The following EIF4G3 variants were observed in gnomAD, a reference collection of about 807,000 sequenced individuals.
EIF4G3 encodes the protein eIF-4-gamma 3.
Under a neutral mutation model 186.4 loss-of-function variants are expected in EIF4G3, and 34 were observed. The observed-to-expected ratio is 0.18, with a 90% CI of 0.14 to 0.24. The LOEUF is 0.24. EIF4G3 is among the 10% of genes least tolerant of loss of function. EIF4G3 has a pLI of 1.00. For missense variants in EIF4G3, 1,536 were observed against 1,948.5 expected (o/e 0.79, Z 3.99); for synonymous variants, 673 against 679.5 (o/e 0.99, Z 0.15).
intron 14 of EIF4G3, among the ~76,000 whole-genome samples, chr1:20,910,036 GC>G (rs919840249): frequency 9.9e-5 from 15 of 152,010 alleles, no homozygotes; most frequent in African/African-American, 3.6e-4. Context: ...TCCTGACTTG[GC>G]CTCCCAAAGT....
chr1:21,083,138 A>C (rs1355601489), intron 3 of EIF4G3, among the ~76,000 whole-genome samples: 1 of 150,692 alleles, frequency 6.6e-6, no homozygotes, highest in Non-Finnish European at 1.5e-5. Context: ...CTATTTAGGA[A>C]GCTGATGTAG....
chr1:21,048,361 G>A (rs989107266), intron 4 of EIF4G3, among the ~76,000 whole-genome samples: 8 of 152,098 alleles, frequency 5.3e-5, no homozygotes, highest in African/African-American at 1.9e-4. Context: ...AAATGGATCT[G>A]AGCTCTATAA....
chr1:20,983,920 T>A (rs561169852), intron 7 of EIF4G3, among the ~76,000 whole-genome samples: 37 of 152,296 alleles, frequency 2.4e-4, no homozygotes, highest in South Asian at 2.1e-3. Context: ...TTTCCAAAAA[T>A]TTTAACAGTC....
intron 14 of EIF4G3, among the ~76,000 whole-genome samples, chr1:20,937,699 C>T (rs1318950768): frequency 6.6e-6 from 1 of 152,132 alleles, no homozygotes; most frequent in East Asian, 1.9e-4. Context: ...ACATACTATA[C>T]ATCATATACA....
In EIF4G3 at chr1:21,176,734, T is replaced by C. The variant is rs1402410888; in HGVS notation, c.-468A>G. ...GGAGAGACCGGACCTTTCACGGCAA[T>C]ATCCTCATGGGCCGGCGGCGGGGGA... On this transcript the variant is annotated 5_prime_UTR_variant, in exon 1 of 37. It adds an upstream start codon to the 5' untranslated region. Coordinates refer to ENST00000602326, the MANE Select transcript of EIF4G3 (RefSeq NM_001391906.1). 2.9e-6 allele frequency: 2 copies of C among 693,426 alleles called. No homozygotes were observed. The highest frequency in any genetic ancestry group is 2.6e-6 in the Non-Finnish European group (1 of 381,106). The allele number at this position is 693,426 out of a possible 1,614,324, so 43.0% of individuals were successfully genotyped here.
rs1474610524 is a variant in EIF4G3, at chr1:20,872,851, C to T, written c.2622+6472G>A. Among the ~76,000 whole-genome samples the T allele has an allele frequency of 2.0e-5, 3 of 152,070 alleles. No individual in the cohort carries two copies. The East Asian group carries it at 5.8e-4, about 29-fold the overall frequency. ...CTCCTGCCTCAAGCAATTCTCCTGC[C>T]TCAGCCTCCCAAGTAGCTGGGATTA... On this transcript the variant is annotated intron_variant, in intron 20 of 36. Transcript: ENST00000602326.
intron 33 of EIF4G3, among the ~76,000 whole-genome samples, chr1:20,823,472 C>T (rs905191099): frequency 1.3e-5 from 2 of 152,020 alleles, no homozygotes; most frequent in Admixed American, 6.6e-5. Context: ...GCCTTAAACT[C>T]CCACGCTCTA....
intron 2 of EIF4G3, among the ~76,000 whole-genome samples, chr1:21,111,130 A>G (rs1327243327): frequency 1.3e-5 from 2 of 152,222 alleles, no homozygotes; most frequent in Non-Finnish European, 2.9e-5. Context: ...ATTTAATTAC[A>G]TGGGCTATAA....
intron 4 of EIF4G3, among the ~76,000 whole-genome samples, chr1:21,040,945 A>G (rs1571522148): frequency 6.6e-6 from 1 of 151,406 alleles, no homozygotes; most frequent in Non-Finnish European, 1.5e-5. Flanking sequence ...TCTGTACCTC[A>G]CTTCTGATTT....
chr1:21,111,679 T>G (rs2096729948), intron 2 of EIF4G3: 1 of 159,920 alleles, frequency 6.3e-6, no homozygotes, highest in Non-Finnish European at 1.4e-5. Flanking sequence ...AAAAAGAAAC[T>G]AAAAAGAATG....
chr1:20,890,382 T>C (rs2085609564), intron 18 of EIF4G3, among the ~76,000 whole-genome samples: 1 of 152,184 alleles, frequency 6.6e-6, no homozygotes, highest in African/African-American at 2.4e-5. Flanking sequence ...AAAAAGTTAT[T>C]TGAAGTATGG....
intron 14 of EIF4G3, among the ~76,000 whole-genome samples, chr1:20,939,116 TAAAAAAA>T (rs3051247): frequency 7.7e-6 from 1 of 129,720 alleles, no homozygotes; most frequent in Non-Finnish European, 1.6e-5. Context: ...TAAAAAAAAT[TAAAAAAA>T]AAAAAAAAAA....
chr1:20,985,529 A>C (rs61190378), intron 7 of EIF4G3, among the ~76,000 whole-genome samples: 1 of 151,060 alleles, frequency 6.6e-6, no homozygotes, highest in Non-Finnish European at 1.5e-5. Flanking sequence ...AAAAAAAAAA[A>C]ATATATATCC....
chr1:20,864,629 A>G lies in EIF4G3; in HGVS notation c.2853T>C (p.Phe951=). ...ARRRSIGNIK[F]IGELFKLKML... ...TTTTGAGTTTAAAGAGTTCTCCAAT[A>G]AACTTGATGTTGCCAATGGATCTCC... The change falls in exon 22 of 37, where the codon TTT becomes TTC. Residue 951 remains phenylalanine (F), a synonymous_variant. Transcript: ENST00000602326. 2 of 1,614,142 alleles carry G rather than the reference A, an allele frequency of 1.2e-6. No homozygotes were observed. The highest frequency in any genetic ancestry group is 1.7e-6 in the Non-Finnish European group (2 of 1,180,022).
intron 12 of EIF4G3, among the ~76,000 whole-genome samples, chr1:20,957,721 C>T (rs1008725730): frequency 6.6e-6 from 1 of 151,906 alleles, no homozygotes; most frequent in Non-Finnish European, 1.5e-5. Flanking sequence ...GGAGACATTA[C>T]AACAAACACC....
At chr1:21,057,031 G>A (rs1238967205) in intron 3 of EIF4G3, among the ~76,000 whole-genome samples, 1 of 152,082 alleles carries the variant, frequency 6.6e-6, no homozygotes, top group African/African-American at 2.4e-5. Flanking sequence ...TAACAATGTG[G>A]GGCTTCCAAA....
chr1:20,882,575 C>T (rs1359698162), intron 19 of EIF4G3, among the ~76,000 whole-genome samples: 3 of 150,470 alleles, frequency 2.0e-5, no homozygotes, highest in East Asian at 2.0e-4. Context: ...GAGCTGAGAT[C>T]GCGTCACTGT....
At chr1:21,096,053 A>G (rs2096361147) in intron 2 of EIF4G3, among the ~76,000 whole-genome samples, 2 of 152,220 alleles carry the variant, frequency 1.3e-5, no homozygotes, top group Admixed American at 1.3e-4. Flanking sequence ...CAATCAATCC[A>G]TATGGCAAAG....
At chr1:21,171,072 AC>A (rs1267561546) in intron 2 of EIF4G3, among the ~76,000 whole-genome samples, 2 of 152,240 alleles carry the variant, frequency 1.3e-5, no homozygotes. Flanking sequence ...CAGCTGAGCT[AC>A]AGGAGATTGA....
Sources: gnomAD v4.1 joint callset for allele counts (sites outside exome capture counted in the v4.1 genomes callset) on GRCh38, gnomAD v4.1.1 for gene constraint, MANE v1.5 for transcripts, NCBI Gene and HGNC (gene_info 2026-07-23, HGNC 2026-07-21) for gene names.